Variants in CAMTA1 observed in about 807,000 individuals in gnomAD.
CAMTA1 encodes calmodulin binding transcription activator 1.
A neutral mutation model predicts 170.9 loss-of-function variants in CAMTA1; 27 were observed. The observed-to-expected ratio is 0.16, with a 90% confidence interval of 0.12 to 0.22. The LOEUF is 0.22. CAMTA1 is among the 10% of genes least tolerant of loss of function. The pLI is 1.00. For synonymous variants in CAMTA1, 833 were observed against 891.5 expected, an observed-to-expected ratio of 0.93 and a Z score of 1.17; for missense variants, 1,619 against 2,217.2, an observed-to-expected ratio of 0.73 and a Z score of 5.42.
intron 11 of CAMTA1, among the ~76,000 whole-genome samples, chr1:7,702,879 G>A (rs1171380113): frequency 3.3e-5 from 5 of 152,100 alleles, no homozygotes; most frequent in Non-Finnish European, 7.4e-5. Context: ...GGCAAAGCTG[G>A]CAACGGTAGC....
intron 5 of CAMTA1, among the ~76,000 whole-genome samples, chr1:7,340,427 C>A (rs2083714217): frequency 6.6e-6 from 1 of 152,010 alleles, no homozygotes; most frequent in South Asian, 2.1e-4. Context: ...CGAAGCAGGA[C>A]CCCTGTCAGA....
At chr1:7,751,499 G>A in intron 20 of CAMTA1, 107 bp downstream of exon 20, 1 of 892,432 alleles carries the variant, frequency 1.1e-6, no homozygotes, top group Non-Finnish European at 1.7e-6. Context: ...TGGGCCTAAA[G>A]CATTGGCAGT....
intron 5 of CAMTA1, among the ~76,000 whole-genome samples, chr1:7,318,714 A>G (rs1677911743): frequency 6.6e-6 from 1 of 152,204 alleles, no homozygotes; most frequent in South Asian, 2.1e-4. Flanking sequence ...CTTCTCTGCA[A>G]TCAGACGAGA....
intron 3 of CAMTA1, among the ~76,000 whole-genome samples, chr1:7,002,155 C>G (rs921179785): frequency 6.6e-6 from 1 of 152,162 alleles, no homozygotes; most frequent in Non-Finnish European, 1.5e-5. Flanking sequence ...CTCAGCCTCT[C>G]AAGTGCTGAG....
chr1:7,104,254 T>C lies in CAMTA1; in HGVS notation c.302+12883T>C, dbSNP rs28446548. ...TACACACGTGTACACACAACACACA[T>C]ACACACAACTACATACATGCACACA... On this transcript the variant is annotated intron_variant, in intron 4 of 22. Transcript: ENST00000303635. 4.8e-4 allele frequency among the ~76,000 whole-genome samples: 21 copies of C among 43,686 alleles called. No homozygotes were observed. In the East Asian group the frequency reaches 5.9e-3, roughly 12 times the overall value. The allele number at this position is 43,686 out of a possible 152,430, so 28.7% of individuals were successfully genotyped here.
chr1:7,601,436 A>G (rs996929750), intron 6 of CAMTA1, among the ~76,000 whole-genome samples: 2 of 151,704 alleles, frequency 1.3e-5, no homozygotes, highest in Non-Finnish European at 2.9e-5. Context: ...GGCCGGGCAG[A>G]GACGCTCCTC....
intron 5 of CAMTA1, among the ~76,000 whole-genome samples, chr1:7,372,848 C>A (rs570309720): frequency 1.3e-5 from 2 of 152,332 alleles, no homozygotes; most frequent in Non-Finnish European, 2.9e-5. Context: ...TCTAGAGCCG[C>A]CCGCATAGCC....
rs368117859 is a variant in CAMTA1, at chr1:7,270,487, G to C, written c.438+20861G>C. On this transcript the variant is annotated intron_variant, in intron 5 of 22. Transcript: ENST00000303635. The stretch of plus-strand genomic sequence containing the variant: ...TTTTTTGTATTTTTAGTAGAGAGGG[G>C]GTTTCATCAAGTTGGCCAGGCTAGT... Among the ~76,000 whole-genome samples the C allele has an allele frequency of 9.9e-5, 15 of 151,756 alleles. No homozygotes were observed. In the South Asian group the frequency reaches 3.1e-3, roughly 32 times the overall value.
chr1:7,200,024 T>C (rs1298392567), intron 4 of CAMTA1, among the ~76,000 whole-genome samples: 1 of 152,250 alleles, frequency 6.6e-6, no homozygotes, highest in Non-Finnish European at 1.5e-5. Flanking sequence ...CAAGCATGCT[T>C]TTTTAATTAA....
chr1:7,575,190 G>T (rs563013837), intron 6 of CAMTA1, among the ~76,000 whole-genome samples: 1 of 152,348 alleles, frequency 6.6e-6, no homozygotes, highest in Non-Finnish European at 1.5e-5. Context: ...TGATGCCTTT[G>T]TGGTTATTCT....
intron 5 of CAMTA1, among the ~76,000 whole-genome samples, chr1:7,413,195 C>G (rs1416341428): frequency 6.6e-6 from 1 of 151,046 alleles, no homozygotes; most frequent in African/African-American, 2.4e-5. Flanking sequence ...AGTGTGATGC[C>G]TCCGCCTTTG....
intron 3 of CAMTA1, among the ~76,000 whole-genome samples, chr1:6,903,310 A>G (rs1677547298): frequency 6.6e-6 from 1 of 152,224 alleles, no homozygotes; most frequent in South Asian, 2.1e-4. Flanking sequence ...GCTCACTCCC[A>G]TTTTGGGTAG....
At chr1:7,139,824 CG>C (rs1292767912) in intron 4 of CAMTA1, among the ~76,000 whole-genome samples, 2 of 152,142 alleles carry the variant, frequency 1.3e-5, no homozygotes, top group African/African-American at 4.8e-5. Flanking sequence ...CGCAATGCTT[CG>C]TGACTCAAAT....
At chr1:7,415,338 T>G (rs912677625) in intron 5 of CAMTA1, among the ~76,000 whole-genome samples, 184 of 151,040 alleles carry the variant, frequency 1.2e-3, no homozygotes, top group African/African-American at 4.0e-3. Flanking sequence ...CTCGTTGATC[T>G]TTCTAATGTT....
chr1:7,473,361 C>T (rs2093366099), intron 6 of CAMTA1, among the ~76,000 whole-genome samples: 1 of 152,322 alleles, frequency 6.6e-6, no homozygotes, highest in Middle Eastern at 3.4e-3. Flanking sequence ...GGGGCTGGGG[C>T]AGCTCCATGG....
intron 3 of CAMTA1, chr1:6,888,336 G>C: frequency 1.3e-6 from 1 of 788,522 alleles, no homozygotes; most frequent in South Asian, 5.8e-5. Context: ...GAAGTAACTG[G>C]AAGCCTAGTT....
intron 3 of CAMTA1, among the ~76,000 whole-genome samples, chr1:7,042,826 G>A (rs1237299141): frequency 1.3e-5 from 2 of 152,168 alleles, no homozygotes; most frequent in African/African-American, 2.4e-5. Flanking sequence ...ACCTCTAGGC[G>A]TTTGTTACCT....
intron 6 of CAMTA1, among the ~76,000 whole-genome samples, chr1:7,604,612 G>T (rs1441100764): frequency 2.6e-5 from 4 of 151,948 alleles, no homozygotes; most frequent in African/African-American, 9.7e-5. Context: ...TAACTTCTTT[G>T]CCATGGGTTC....
At chr1:7,568,597 A>G (rs1576123607) in intron 6 of CAMTA1, among the ~76,000 whole-genome samples, 2 of 148,410 alleles carry the variant, frequency 1.3e-5, no homozygotes, top group East Asian at 4.1e-4. Flanking sequence ...CACCATCATC[A>G]TCACCACATC....
Sources: gnomAD v4.1 joint callset for allele counts (sites outside exome capture counted in the v4.1 genomes callset) on GRCh38, gnomAD v4.1.1 for gene constraint, MANE v1.5 for transcripts, NCBI Gene and HGNC (gene_info 2026-07-23, HGNC 2026-07-21) for gene names.